Variants in KCNH2 observed in about 807,000 individuals in gnomAD.
KCNH2 encodes potassium voltage-gated channel subfamily H member 2.
A neutral mutation model predicts 95.9 loss-of-function variants in KCNH2; 35 were observed. The observed-to-expected ratio is 0.37, with a 90% CI of 0.28 to 0.48. The LOEUF (loss-of-function observed/expected upper bound fraction) is 0.48, where lower values mean the gene tolerates loss of function less well. KCNH2 is among the 20% of genes least tolerant of loss of function. The pLI, the probability that KCNH2 is intolerant of heterozygous loss-of-function variation, is 0.99. For missense variants in KCNH2, 1,274 were observed against 1,702.9 expected (o/e 0.75, Z 4.43); for synonymous variants, 786 against 754.7 (o/e 1.04, Z -0.68).
Position 150,945,416 on chromosome 7 carries a change from C to T in KCNH2, c.3429G>A (p.Gly1143=), listed in dbSNP as rs747931464. The change falls in exon 15 of 15, where the codon GGG becomes GGA. Residue 1143 remains glycine, a synonymous_variant. Transcript: ENST00000262186. The surrounding 1 kb of genome is among the most constrained non-coding windows in gnomAD (Gnocchi z 5.6). ...TGTGCAGGGGCTGGGAGGTGAGGGC[C>T]CCCAGCTGGCCCGGTAGGGAGAGGC... is the stretch of plus-strand genomic sequence containing the variant. ...TRRLSLPGQL[G]ALTSQPLHRH... is the part of the protein sequence containing the mutation. 6.3e-7 allele frequency: 1 copy of T among 1,578,654 alleles called. No individual in the cohort carries two copies. The highest frequency in any genetic ancestry group is 8.6e-7 in the Non-Finnish European group (1 of 1,162,400).
chr7:150,964,359 A>C (rs921021393), intron 2 of KCNH2, among the ~76,000 whole-genome samples: 1 of 152,084 alleles, frequency 6.6e-6, no homozygotes, highest in African/African-American at 2.4e-5. Context: ...CCCCCAGTGA[A>C]CCACCCATCC....
chr7:150,947,004 T>C lies in KCNH2; in HGVS notation c.3203A>G (p.Gln1068Arg), dbSNP rs151031345. 41 of 1,610,756 alleles carry C rather than the reference T, an allele frequency of 2.5e-5. No individual in the cohort carries two copies. The African/African-American group carries it at 2.7e-4, about 10-fold the overall frequency. Reference sequence around the variant, plus strand: ...GGGCGGGACCAGCGTCATCTGCCTCTGTAGCAGCTGCAGGACAGTGGCCAT... The same window carrying C: ...GGGCGGGACCAGCGTCATCTGCCTCCGTAGCAGCTGCAGGACAGTGGCCAT... The part of the protein sequence containing the change: ...ADMATVLQLL[Q>R]RQMTLVPPAY... The change falls in exon 14 of 15, where the codon CAG becomes CGG. Residue 1068 changes from glutamine (Q) to arginine (R), a missense_variant. Physicochemically the swap from Gln to Arg is conservative, Grantham distance 43. Coordinates refer to ENST00000262186, the MANE Select transcript of KCNH2 (RefSeq NM_000238.4).
At position 150,945,675 on chromosome 7, in the gene KCNH2, G is replaced by T. The variant is rs1800864451; in HGVS notation, c.3331-161C>A. 6.6e-6 allele frequency among the ~76,000 whole-genome samples: 1 copy of T among 152,168 alleles called. No homozygotes were observed. Among genetic ancestry groups the T allele is most frequent in the African/African-American group, 2.4e-5 (1 of 41,432 alleles). ...GAAGCTGGAGGGGACAAGAGCCAAG[G>T]CAGCGAGAGCAGGACAGGGGCCACC... On this transcript the variant is annotated intron_variant, in intron 14 of 14. Transcript: ENST00000262186. The surrounding 1 kb of genome is among the most constrained non-coding windows in gnomAD (Gnocchi z 5.6).
chr7:150,958,232 A>G lies in KCNH2; in HGVS notation c.743T>C (p.Leu248Pro). 7.2e-7 allele frequency: 1 copy of G among 1,392,498 alleles called. No individual in the cohort carries two copies. The highest frequency in any genetic ancestry group is 9.3e-7 in the Non-Finnish European group (1 of 1,076,294). 86.3% of individuals were successfully genotyped at this position (1,392,498 alleles called of 1,614,324 possible). The change falls in exon 4 of 15, where the codon CTC (leucine) becomes CCC (proline). Residue 248 changes from leucine (L) to proline (P), a missense_variant. Leu to Pro is a moderately conservative substitution (Grantham distance 98). Around this residue, in one of 7 missense-constraint regions of KCNH2, gnomAD observed 392 missense variants for 429.9 expected, o/e 0.91. Transcript: ENST00000262186. ...GSPPRSAPGQ[L>P]PSPRAHSLNP... ...GAGGCTGTGCGCCCGGGGCGATGGGAGCTGGCCGGGCGCGCTGCGGGGCGG... is the reference window on the plus strand; with the variant it reads ...GAGGCTGTGCGCCCGGGGCGATGGGGGCTGGCCGGGCGCGCTGCGGGGCGG...
At chr7:150,972,514 T>G (rs1486368599) in intron 2 of KCNH2, among the ~76,000 whole-genome samples, 4 of 152,178 alleles carry the variant, frequency 2.6e-5, no homozygotes, top group Non-Finnish European at 5.9e-5. Flanking sequence ...CCAGGATACA[T>G]GGGGTCCTAG....
chr7:150,945,331 TG>T lies in KCNH2; in HGVS notation c.*33del. On this transcript the variant is annotated 3_prime_UTR_variant, in exon 15 of 15. Coordinates refer to ENST00000262186, the MANE Select transcript of KCNH2 (RefSeq NM_000238.4). This position sits in a 1 kb window ranked among gnomAD's most constrained non-coding sequence, Gnocchi z 5.6. ...AGCGGCCCAGCAGCGCCTTGATCCCTGGGTGAGCCACGTGTCCACACTGGGC... is the reference window on the plus strand; with the variant it reads ...AGCGGCCCAGCAGCGCCTTGATCCCTGGTGAGCCACGTGTCCACACTGGGC... The T allele has an allele frequency of 6.4e-7, 1 of 1,572,648 alleles. No homozygotes were observed. Among genetic ancestry groups the T allele is most frequent in the Non-Finnish European group, 8.6e-7 (1 of 1,159,190 alleles).
chr7:150,952,938 G>GC lies in KCNH2; in HGVS notation c.1129-86dup. 7.4e-7 allele frequency: 1 copy of GC among 1,357,106 alleles called. No homozygotes were observed. Among genetic ancestry groups the GC allele is most frequent in the South Asian group, 1.2e-5 (1 of 81,474 alleles). 84.1% of individuals were successfully genotyped at this position (1,357,106 alleles called of 1,614,324 possible). A position where few individuals can be genotyped will look rare whatever the true frequency, so the allele number is the denominator to read the frequency against. On this transcript the variant is annotated intron_variant, in intron 5 of 14. Coordinates refer to ENST00000262186, the MANE Select transcript of KCNH2 (RefSeq NM_000238.4). This position sits in a 1 kb window ranked among gnomAD's most constrained non-coding sequence, Gnocchi z 7.3. ...GCGATGACATCTCTGCCGGGGCCAA[G>GC]CAGAATGAGGAGGAGGCCAAAAAAA...
At chr7:150,968,020 C>A (rs2117041862) in intron 2 of KCNH2, among the ~76,000 whole-genome samples, 1 of 152,336 alleles carries the variant, frequency 6.6e-6, no homozygotes. Flanking sequence ...AAGAGGCTAC[C>A]AGGCCTAAGA....
At position 150,945,365 on chromosome 7, in the gene KCNH2, C is replaced by A. The variant is rs1442029629; in HGVS notation, c.3480G>T (p.Ter1160TyrextTer30). The part of the protein sequence containing the change: ...LHRHGSDPGS[*>Y] ...CACGTGTCCACACTGGGCAGCCCCA[C>A]TAACTGCCCGGGTCCGAGCCGTGTC... Residue 1160 changes from the stop codon to tyrosine, a stop_lost, in exon 15 of 15, where the codon TAG (stop) becomes TAT (tyrosine). Coordinates refer to ENST00000262186, the MANE Select transcript of KCNH2 (RefSeq NM_000238.4). The surrounding 1 kb of genome is among the most constrained non-coding windows in gnomAD (Gnocchi z 5.6). 6.3e-7 allele frequency: 1 copy of A among 1,587,070 alleles called. No homozygotes were observed. Among genetic ancestry groups the A allele is most frequent in the Non-Finnish European group, 8.6e-7 (1 of 1,168,022 alleles).
chr7:150,945,028 AATT>A lies in KCNH2; in HGVS notation c.*334_*336del. 3.5e-6 allele frequency: 1 copy of A among 287,326 alleles called. No homozygotes were observed. The highest frequency in any genetic ancestry group is 6.5e-6 in the Non-Finnish European group (1 of 152,784). The allele number at this position is 287,326 out of a possible 1,614,324, so 17.8% of individuals were successfully genotyped here. On this transcript the variant is annotated 3_prime_UTR_variant, in exon 15 of 15. Transcript: ENST00000262186. This position sits in a 1 kb window ranked among gnomAD's most constrained non-coding sequence, Gnocchi z 5.6. ...TTCATTAATTATTCATATGATCCTT[AATT>A]ATTATCCTTAACAATAAGAGCAGTA...
intron 1 of KCNH2, among the ~76,000 whole-genome samples, chr7:150,977,351 C>T (rs1165800645): frequency 1.3e-5 from 2 of 152,298 alleles, no homozygotes; most frequent in East Asian, 3.9e-4. Context: ...ACGGCACACA[C>T]AAGAAGAGAT....
chr7:150,961,931 C>T lies in KCNH2; in HGVS notation c.308-2195G>A, dbSNP rs562966674. On this transcript the variant is annotated intron_variant, in intron 2 of 14. Coordinates refer to ENST00000262186, the MANE Select transcript of KCNH2 (RefSeq NM_000238.4). This position sits in a 1 kb window ranked among gnomAD's most constrained non-coding sequence, Gnocchi z 6.2. ...TCTGAAACCAGCTTAAACAGGATGG[C>T]ACTAGGTGAAGGGGCTGGCCAGGAA... 1.2e-4 allele frequency among the ~76,000 whole-genome samples: 18 copies of T among 152,194 alleles called. No individual in the cohort carries two copies. The highest frequency in any genetic ancestry group is 2.4e-4 in the Non-Finnish European group (16 of 68,028).
Position 150,951,698 on chromosome 7 carries a change from G to A in KCNH2, c.1695C>T (p.Ala565=). 5 of 1,614,194 alleles carry A rather than the reference G, an allele frequency of 3.1e-6. No individual in the cohort carries two copies. Among genetic ancestry groups the A allele is most frequent in the Non-Finnish European group, 3.4e-6 (4 of 1,180,014 alleles). Residue 565 remains alanine, a synonymous_variant, in exon 7 of 15, where the codon GCC becomes GCT. Coordinates refer to ENST00000262186, the MANE Select transcript of KCNH2 (RefSeq NM_000238.4). ...TGTTGCCGATGGCGTACCAGATGCA[G>A]GCTAGCCAGTGCGCGATGAGCGCAA... ...CTFALIAHWL[A]CIWYAIGNME...
In KCNH2 at chr7:150,962,620, C is replaced by T. The variant is rs377086955; in HGVS notation, c.308-2884G>A. Among the ~76,000 whole-genome samples, 1 of 72,276 alleles carries T rather than the reference C, an allele frequency of 1.4e-5. No individual in the cohort carries two copies. The highest frequency in any genetic ancestry group is 3.5e-4 in the East Asian group (1 of 2,842). 47.4% of individuals were successfully genotyped at this position (72,276 alleles called of 152,430 possible). A position where few individuals can be genotyped will look rare whatever the true frequency, so the allele number is the denominator to read the frequency against. The stretch of plus-strand genomic sequence containing the variant: ...TGTAACTCACACTTACACACACACA[C>T]GAGAGACAGAGAGAGAGAGAGAGAG... On this transcript the variant is annotated intron_variant, in intron 2 of 14. Coordinates refer to ENST00000262186, the MANE Select transcript of KCNH2 (RefSeq NM_000238.4). The surrounding 1 kb of genome is among the most constrained non-coding windows in gnomAD (Gnocchi z 5.7).
In KCNH2 at chr7:150,962,575, G is replaced by A. The variant is rs527737062; in HGVS notation, c.308-2839C>T. Among the ~76,000 whole-genome samples, 2 of 150,828 alleles carry A rather than the reference G, an allele frequency of 1.3e-5. No homozygotes were observed. The highest frequency in any genetic ancestry group is 1.5e-5 in the Non-Finnish European group (1 of 67,856). On this transcript the variant is annotated intron_variant, in intron 2 of 14. Transcript: ENST00000262186. This position sits in a 1 kb window ranked among gnomAD's most constrained non-coding sequence, Gnocchi z 5.7. Reference sequence around the variant, plus strand: ...AGGGTCGCAGAAACTCTAGGTATACGCCACCTCACAGCACAAGCCTGTAAC... The same window carrying A: ...AGGGTCGCAGAAACTCTAGGTATACACCACCTCACAGCACAAGCCTGTAAC...
intron 2 of KCNH2, among the ~76,000 whole-genome samples, chr7:150,964,369 C>A (rs932449263): frequency 2.6e-5 from 4 of 152,148 alleles, no homozygotes; most frequent in African/African-American, 9.7e-5. Context: ...ACCACCCATC[C>A]AACAGGACCC....
chr7:150,952,929 C>CG lies in KCNH2; in HGVS notation c.1129-77dup. On this transcript the variant is annotated intron_variant, in intron 5 of 14. Coordinates refer to ENST00000262186, the MANE Select transcript of KCNH2 (RefSeq NM_000238.4). The surrounding 1 kb of genome is among the most constrained non-coding windows in gnomAD (Gnocchi z 7.3). ...GGGGCAGGAGCGATGACATCTCTGC[C>CG]GGGGCCAAGCAGAATGAGGAGGAGG... 1 of 1,425,026 alleles carries CG rather than the reference C, an allele frequency of 7.0e-7. No individual in the cohort carries two copies. The allele number at this position is 1,425,026 out of a possible 1,614,324, so 88.3% of individuals were successfully genotyped here. A position where few individuals can be genotyped will look rare whatever the true frequency, so the allele number is the denominator to read the frequency against.
intron 2 of KCNH2, among the ~76,000 whole-genome samples, chr7:150,973,104 A>C (rs1801881817): frequency 6.6e-6 from 1 of 152,234 alleles, no homozygotes; most frequent in African/African-American, 2.4e-5. Context: ...CAGGGAAGTC[A>C]ACCAACTTGT....
In KCNH2 at chr7:150,948,455, C is replaced by A. The variant is rs199473668; in HGVS notation, c.2681G>T (p.Arg894Leu). 4 of 1,295,228 alleles carry A rather than the reference C, an allele frequency of 3.1e-6. No homozygotes were observed. The highest frequency in any genetic ancestry group is 1.5e-5 in the African/African-American group (1 of 65,290). The allele number at this position is 1,295,228 out of a possible 1,614,324, so 80.2% of individuals were successfully genotyped here. ...CTCCCCCGCCTCACCCTTGTCCGTG[C>A]GCCTGCGGAAGGACAACTTGCGCTT... ...QRKRKLSFRRRTDKDTEQPGE... is the reference protein window; with the variant it reads ...QRKRKLSFRRLTDKDTEQPGE... Residue 894 changes from arginine to leucine, a missense_variant, in exon 11 of 15, where the codon CGC (arginine) becomes CTC (leucine). Physicochemically the swap from Arg to Leu is moderately radical, Grantham distance 102 (BLOSUM62 -2). Coordinates refer to ENST00000262186, the MANE Select transcript of KCNH2 (RefSeq NM_000238.4).
Sources: gnomAD v4.1 joint callset for allele counts (sites outside exome capture counted in the v4.1 genomes callset) on GRCh38, gnomAD v4.1.1 for gene constraint, gnomAD v4.1.1 regional missense constraint, Gnocchi (gnomAD v3.1) non-coding constraint, MANE v1.5 for transcripts, NCBI Gene and HGNC (gene_info 2026-07-23, HGNC 2026-07-21) for gene names.